UBAC1: variants seen among roughly 807,000 people sequenced by gnomAD.
The protein encoded by UBAC1 is ubiquitin-associated domain-containing protein 1.
Under a neutral mutation model 45.9 loss-of-function variants are expected in UBAC1, and 27 were observed. The ratio of observed to expected loss-of-function variants is 0.59; its 90% confidence interval spans 0.43 to 0.81. The LOEUF is 0.81. Among genes scored for constraint, UBAC1 ranks in the 30% least tolerant of loss-of-function variants. UBAC1 has a pLI of 0.00. For missense variants in UBAC1, 529 were observed against 539.2 expected (o/e 0.98, Z 0.19); for synonymous variants, 227 against 215.5 (o/e 1.05, Z -0.47).
At chr9:135,959,371 GGTTTTTTTTTTTT>G (rs1335142998) in intron 1 of UBAC1, among the ~76,000 whole-genome samples, 1 of 103,912 alleles carries the variant, frequency 9.6e-6, no homozygotes, top group African/African-American at 4.0e-5. Context: ...TTTTTTGTCT[GGTTTTTTTTTTTT>G]TTTTTTTTTG....
chr9:135,945,321 C>T, intron 6 of UBAC1, 71 bp from the exon 7 acceptor site: 1 of 1,319,390 alleles, frequency 7.6e-7, no homozygotes. Context: ...TGTCCATTCC[C>T]AAGAAGAGCC....
intron 9 of UBAC1, among the ~76,000 whole-genome samples, chr9:135,936,874 T>A (rs1214335038): frequency 1.1e-4 from 17 of 152,128 alleles, no homozygotes; most frequent in Admixed American, 1.1e-3. Flanking sequence ...ATTCTGCCCA[T>A]CAGTGTGAGG....
intron 1 of UBAC1, among the ~76,000 whole-genome samples, chr9:135,956,981 T>C (rs1027543369): frequency 2.6e-5 from 4 of 152,108 alleles, no homozygotes; most frequent in Non-Finnish European, 5.9e-5. Context: ...ACGTCTCAGG[T>C]GGCCGGGCAG....
At chr9:135,950,952 G>A (rs912834092) in intron 3 of UBAC1, among the ~76,000 whole-genome samples, 4 of 152,054 alleles carry the variant, frequency 2.6e-5, no homozygotes, top group Non-Finnish European at 4.4e-5. Context: ...AATTAGTCAG[G>A]TGTGGTGGCA....
Position 135,961,175 on chromosome 9 carries a change from G to T in UBAC1, c.-13C>A, listed in dbSNP as rs750216733. ...CCTGCACGAACATCCCGCCGCCGCC[G>T]CAGGGGCCTGCGCCCGCCACCCGGG... is the stretch of plus-strand genomic sequence containing the variant. On this transcript the variant is annotated 5_prime_UTR_variant, in exon 1 of 10. Transcript: ENST00000371756. 124 of 1,525,750 alleles carry T rather than the reference G, an allele frequency of 8.1e-5. No homozygotes were observed. Among genetic ancestry groups the T allele is most frequent in the Admixed American group, 1.6e-4 (8 of 49,452 alleles). 94.5% of individuals were successfully genotyped at this position (1,525,750 alleles called of 1,614,324 possible).
At position 135,933,434 on chromosome 9, in the gene UBAC1, A is replaced by G. The variant is rs1839168713; in HGVS notation, c.1184T>C (p.Ile395Thr). Residue 395 changes from isoleucine to threonine, a missense_variant, in exon 10 of 10, where the codon ATC becomes ACC. Ile to Thr is a moderately conservative substitution (Grantham distance 89). Transcript: ENST00000371756. ...DPETGPVMLQ[I>T]SRIFQTLNRT The stretch of plus-strand genomic sequence containing the variant: ...ATTTAGTGTCTGGAAGATTCTAGAG[A>G]TCTGCAGCATGACAGGCCCCGTTTC... 1 of 1,613,990 alleles carries G rather than the reference A, an allele frequency of 6.2e-7. No homozygotes were observed. The highest frequency in any genetic ancestry group is 1.1e-5 in the South Asian group (1 of 91,092).
intron 3 of UBAC1, among the ~76,000 whole-genome samples, chr9:135,952,593 C>G (rs1010241877): frequency 6.6e-6 from 1 of 152,202 alleles, no homozygotes; most frequent in African/African-American, 2.4e-5. Flanking sequence ...GACCATGAAT[C>G]AATAACGTGT....
In UBAC1 at chr9:135,933,277, A is replaced by G. The variant is rs531874041; in HGVS notation, c.*123T>C. On this transcript the variant is annotated 3_prime_UTR_variant, in exon 10 of 10. Transcript: ENST00000371756. ...AAGATCAGAGAGCAGGAGCAGCTGC[A>G]GCACCTCTAACAGTCCAGGGCTGAG... 6.9e-6 allele frequency: 5 copies of G among 726,610 alleles called. No individual in the cohort carries two copies. Among genetic ancestry groups the G allele is most frequent in the Admixed American group, 2.4e-5 (1 of 41,074 alleles). The allele number at this position is 726,610 out of a possible 1,614,324, so 45.0% of individuals were successfully genotyped here.
intron 1 of UBAC1, among the ~76,000 whole-genome samples, chr9:135,957,568 C>T (rs1386457638): frequency 3.3e-5 from 5 of 151,966 alleles, no homozygotes; most frequent in Non-Finnish European, 5.9e-5. Context: ...AAAGCCCCAA[C>T]CAAGGCCGCT....
rs1344921282 is a variant in UBAC1 at position 135,938,488 on chromosome 9, C to T, written c.964-128G>A. The stretch of plus-strand genomic sequence containing the variant: ...CTGTTGAGCCCCCAGGGCTGATCTC[C>T]CTGGAAGGGACTCTACCGTGAAGAC... On this transcript the variant is annotated intron_variant, in intron 8 of 9. Coordinates refer to ENST00000371756, the MANE Select transcript of UBAC1 (RefSeq NM_016172.3). 16 of 1,218,876 alleles carry T rather than the reference C, an allele frequency of 1.3e-5. No homozygotes were observed. The East Asian group carries it at 3.8e-4, about 29-fold the overall frequency. 75.5% of individuals were successfully genotyped at this position (1,218,876 alleles called of 1,614,324 possible). A position where few individuals can be genotyped will look rare whatever the true frequency, so the allele number is the denominator to read the frequency against.
At chr9:135,938,798 T>C (rs1003881520) in intron 8 of UBAC1, among the ~76,000 whole-genome samples, 2 of 113,660 alleles carry the variant, frequency 1.8e-5, no homozygotes, top group Non-Finnish European at 3.7e-5. Context: ...CGAACTCCAC[T>C]GGCACGGGGG....
chr9:135,960,604 C>A (rs997865321), intron 1 of UBAC1, among the ~76,000 whole-genome samples: 4 of 152,222 alleles, frequency 2.6e-5, no homozygotes, highest in Non-Finnish European at 5.9e-5. Context: ...AAAAACCTCA[C>A]CCCAACAGCA....
chr9:135,943,871 CA>C (rs1839296391), intron 7 of UBAC1, among the ~76,000 whole-genome samples: 1 of 152,124 alleles, frequency 6.6e-6, no homozygotes, highest in Middle Eastern at 3.2e-3. Flanking sequence ...AACACAGGAA[CA>C]AAAAACCAAG....
chr9:135,947,419 T>C (rs1295731178), intron 4 of UBAC1: 1 of 165,848 alleles, frequency 6.0e-6, no homozygotes, highest in Non-Finnish European at 1.3e-5. Context: ...GCCCGGCTAA[T>C]TTTTGGTATT....
chr9:135,951,334 A>G (rs1320640758), intron 3 of UBAC1, among the ~76,000 whole-genome samples: 2 of 152,068 alleles, frequency 1.3e-5, no homozygotes, highest in Non-Finnish European at 2.9e-5. Context: ...ATTCATAAAT[A>G]CAAAAATTAT....
rs373488037 is a variant in UBAC1, at chr9:135,961,163, C to G, written c.-1G>C. The G allele has an allele frequency of 3.6e-5, 56 of 1,547,214 alleles. No homozygotes were observed. The highest frequency in any genetic ancestry group is 4.7e-5 in the Non-Finnish European group (54 of 1,154,610). Reference sequence around the variant, plus strand: ...AGATCTTCTCCTCCTGCACGAACATCCCGCCGCCGCCGCAGGGGCCTGCGC... The same window carrying G: ...AGATCTTCTCCTCCTGCACGAACATGCCGCCGCCGCCGCAGGGGCCTGCGC... On this transcript the variant is annotated 5_prime_UTR_variant, in exon 1 of 10. Transcript: ENST00000371756.
At chr9:135,938,980 G>C (rs1839233569) in intron 8 of UBAC1, among the ~76,000 whole-genome samples, 1 of 152,184 alleles carries the variant, frequency 6.6e-6, no homozygotes, top group Non-Finnish European at 1.5e-5. Context: ...AGCCAAAGCA[G>C]GAGGATCGAT....
chr9:135,953,096 G>A (rs1259632850), intron 3 of UBAC1, among the ~76,000 whole-genome samples: 9 of 152,130 alleles, frequency 5.9e-5, no homozygotes, highest in Non-Finnish European at 1.3e-4. Context: ...GAACCGTCAC[G>A]CAGGATGTGT....
At chr9:135,953,791 T>C (rs1839434647) in intron 2 of UBAC1, 38 bp from the exon 3 acceptor site, 1 of 1,579,052 alleles carries the variant, frequency 6.3e-7, no homozygotes, top group East Asian at 2.2e-5. Context: ...ACACTGGTTA[T>C]CACTTCATAT....
Sources: gnomAD v4.1 joint callset for allele counts (sites outside exome capture counted in the v4.1 genomes callset) on GRCh38, gnomAD v4.1.1 for gene constraint, MANE v1.5 for transcripts, NCBI Gene and HGNC (gene_info 2026-07-23, HGNC 2026-07-21) for gene names.